Variants in PCA3 observed in about 807,000 individuals in gnomAD.
The protein encoded by PCA3 is prostate cancer associated 3.
At chr9:76,782,444 A>C (rs549279087) in intron 2 of PCA3, among the ~76,000 whole-genome samples, 91 of 152,270 alleles carry the variant, frequency 6.0e-4, no homozygotes, top group Non-Finnish European at 1.2e-3. Context: ...CAGCCTTGGG[A>C]AAGTTATTCT....
chr9:76,780,444 T>C (rs2054249458), intron 2 of PCA3, among the ~76,000 whole-genome samples: 1 of 152,008 alleles, frequency 6.6e-6, no homozygotes, highest in Non-Finnish European at 1.5e-5. Flanking sequence ...TCCCAGCACT[T>C]TGGGAGGCCG....
chr9:76,778,108 G>A (rs2053996941), intron 2 of PCA3, among the ~76,000 whole-genome samples: 1 of 152,180 alleles, frequency 6.6e-6, no homozygotes, highest in African/African-American at 2.4e-5. Context: ...AAATACCAAT[G>A]ACTGGGTCCC....
Position 76,768,579 on chromosome 9 carries a change from ATGTATGTGTG to A in PCA3, n.852+31968_852+31977del, listed in dbSNP as rs1395596719. 5.4e-3 allele frequency among the ~76,000 whole-genome samples: 539 copies of A among 100,606 alleles called. 4 individuals carry two copies. Among genetic ancestry groups the A allele is most frequent in the East Asian group, 0.038 (149 of 3,968 alleles). 66.0% of individuals were successfully genotyped at this position (100,606 alleles called of 152,430 possible). On this transcript the variant is annotated intron_variant and non_coding_transcript_variant, in intron 2 of 5. Coordinates refer to ENST00000644657, the Ensembl canonical transcript of PCA3. The stretch of plus-strand genomic sequence containing the variant: ...TCTTTGGGTTGATATATATATGTAT[ATGTATGTGTG>A]TGTGTGTGTGTGTGTGTGTGTGTGT...
chr9:76,781,567 A>G (rs929549978), intron 2 of PCA3, among the ~76,000 whole-genome samples: 14 of 152,168 alleles, frequency 9.2e-5, no homozygotes, highest in African/African-American at 3.4e-4. Flanking sequence ...TCCCTATCTA[A>G]TGTAAAATAG....
At chr9:76,775,998 G>C (rs780929072) in intron 2 of PCA3, among the ~76,000 whole-genome samples, 11 of 152,146 alleles carry the variant, frequency 7.2e-5, no homozygotes, top group Admixed American at 1.3e-4. Flanking sequence ...ATTTGGGAGG[G>C]ATAGGAATAA....
At position 76,768,583 on chromosome 9, in the gene PCA3, A is replaced by ATGTGTG. The variant is rs55793596; in HGVS notation, n.852+32004_852+32009dup. 2.3e-3 allele frequency among the ~76,000 whole-genome samples: 237 copies of ATGTGTG among 103,336 alleles called. 1 individual carries two copies. Among genetic ancestry groups the ATGTGTG allele is most frequent in the East Asian group, 6.4e-3 (15 of 2,342 alleles). The allele number at this position is 103,336 out of a possible 152,430, so 67.8% of individuals were successfully genotyped here. A position where few individuals can be genotyped will look rare whatever the true frequency, so the allele number is the denominator to read the frequency against. ...TGGGTTGATATATATATGTATATGT[A>ATGTGTG]TGTGTGTGTGTGTGTGTGTGTGTGT... On this transcript the variant is annotated intron_variant and non_coding_transcript_variant, in intron 2 of 5. Transcript: ENST00000644657.
At chr9:76,785,188 T>TAC (rs2054847508) in intron 2 of PCA3, 1 of 152,246 alleles carries the variant, frequency 6.6e-6, no homozygotes, top group Admixed American at 6.5e-5. Flanking sequence ...ATGTCAGGCA[T>TAC]ACATTATTCC....
At chr9:76,774,137 T>A (rs895989691) in intron 2 of PCA3, among the ~76,000 whole-genome samples, 8 of 152,128 alleles carry the variant, frequency 5.3e-5, no homozygotes, top group South Asian at 4.1e-4. Flanking sequence ...TTTTTAATTT[T>A]AAAAAAATAT....
intron 2 of PCA3, among the ~76,000 whole-genome samples, chr9:76,775,447 C>A (rs1443606230): frequency 6.6e-6 from 1 of 150,664 alleles, no homozygotes; most frequent in Non-Finnish European, 1.5e-5. Context: ...CAGGCATGCA[C>A]TACCATGCCC....
chr9:76,777,977 C>G (rs2053980396), intron 2 of PCA3, among the ~76,000 whole-genome samples: 1 of 152,178 alleles, frequency 6.6e-6, no homozygotes, highest in South Asian at 2.1e-4. Flanking sequence ...ATGTCTATAG[C>G]AGTGGGAGGT....
chr9:76,768,583 ATGTGTGTGTGTGTGTG>A (rs55793596), intron 2 of PCA3, among the ~76,000 whole-genome samples: 4 of 103,240 alleles, frequency 3.9e-5, no homozygotes, highest in African/African-American at 6.5e-5. Context: ...ATGTATATGT[ATGTGTGTGTGTGTGTG>A]TGTGTGTGTG....
chr9:76,775,815 T>C (rs1456398103), intron 2 of PCA3, among the ~76,000 whole-genome samples: 1 of 152,248 alleles, frequency 6.6e-6, no homozygotes, highest in Non-Finnish European at 1.5e-5. Context: ...TCATGCCGGC[T>C]ATGCAGGCCC....
intron 2 of PCA3, among the ~76,000 whole-genome samples, chr9:76,775,515 A>G (rs6560542): frequency 0.55 from 83,030 of 151,698 alleles, 24,318 homozygotes; most frequent in African/African-American, 0.76. Context: ...TGCCCAGGCT[A>G]GTCACAAACT....
At chr9:76,783,016 G>C (rs748062002) in intron 2 of PCA3, among the ~76,000 whole-genome samples, 25 of 152,236 alleles carry the variant, frequency 1.6e-4, no homozygotes, top group Middle Eastern at 3.4e-3. Context: ...ATTTTCCTTA[G>C]GTTTCTTTTA....
At chr9:76,765,214 A>C (rs958321993) in intron 2 of PCA3, among the ~76,000 whole-genome samples, 1 of 152,240 alleles carries the variant, frequency 6.6e-6, no homozygotes, top group Non-Finnish European at 1.5e-5. Context: ...GAAGTTAAAC[A>C]CAAGAGGAGG....
chr9:76,779,542 C>A (rs1414880784), intron 2 of PCA3: 1 of 152,156 alleles, frequency 6.6e-6, no homozygotes, highest in Non-Finnish European at 1.5e-5. Context: ...TTTAGAATCT[C>A]ATATTTATTC....
At chr9:76,774,647 T>C (rs1201898387) in intron 2 of PCA3, among the ~76,000 whole-genome samples, 1 of 151,714 alleles carries the variant, frequency 6.6e-6, no homozygotes, top group Non-Finnish European at 1.5e-5. Context: ...TTAGTAGAGA[T>C]GGGGTTTCAC....
At chr9:76,769,963 T>C (rs1038904618) in intron 2 of PCA3, among the ~76,000 whole-genome samples, 5 of 152,212 alleles carry the variant, frequency 3.3e-5, no homozygotes, top group Non-Finnish European at 4.4e-5. Context: ...AAATGTATTA[T>C]AAAGATTAAC....
intron 2 of PCA3, among the ~76,000 whole-genome samples, chr9:76,768,115 G>A (rs1211257739): frequency 6.6e-6 from 1 of 152,220 alleles, no homozygotes; most frequent in South Asian, 2.1e-4. Flanking sequence ...GCCTGGTGAG[G>A]AGGATCACAT....
Sources: allele counts gnomAD v4.1 joint callset (sites outside exome capture counted in the v4.1 genomes callset), GRCh38; gene constraint gnomAD v4.1.1; transcripts MANE v1.5; gene names NCBI Gene and HGNC (gene_info 2026-07-23, HGNC 2026-07-21).